PIGN: variants seen among roughly 807,000 people sequenced by gnomAD.
PIGN encodes phosphatidylinositol glycan anchor biosynthesis class N.
A neutral mutation model predicts 125.4 loss-of-function variants in PIGN; 117 were observed. The observed-to-expected ratio is 0.93, with a 90% confidence interval of 0.80 to 1.09. The LOEUF (loss-of-function observed/expected upper bound fraction) is 1.09. PIGN is among the 50% of genes least tolerant of loss of function. PIGN has a pLI of 0.00. For missense variants in PIGN, 1,075 were observed against 1,094.9 expected, an observed-to-expected ratio of 0.98 and a Z score of 0.26; for synonymous variants, 392 against 377.8, an observed-to-expected ratio of 1.04 and a Z score of -0.44.
chr18:62,059,110 T>G (rs538851909), intron 30 of PIGN: 1 of 147,342 alleles, frequency 6.8e-6, no homozygotes, highest in African/African-American at 2.5e-5. Context: ...GGAAGATCAC[T>G]TCAGCCTACA....
Position 62,085,225 on chromosome 18 carries a change from T to C in PIGN, c.2410A>G (p.Ile804Val). The C allele has an allele frequency of 6.5e-7, 1 of 1,538,968 alleles. No homozygotes were observed. The highest frequency in any genetic ancestry group is 8.8e-7 in the Non-Finnish European group (1 of 1,136,496). ...TAAAATTACCTGTTAATAGAAGCTA[T>C]ATTTCCAGTTCCAAAAAATGCTGTC... ...LVTAFFGTGN[I>V]ASINSFDLAS... The change falls in exon 26 of 31, where the codon ATA (isoleucine) becomes GTA (valine). Residue 804 changes from isoleucine (I) to valine (V), a missense_variant. This residue lies in a region of PIGN where 915 missense variants were observed against 908.7 expected (regional missense o/e 1.01). Coordinates refer to ENST00000640252, the MANE Select transcript of PIGN (RefSeq NM_176787.5).
At position 62,140,487 on chromosome 18, in the gene PIGN, TA is replaced by T; in HGVS notation, c.964-9del. 4.0e-6 allele frequency: 6 copies of T among 1,502,292 alleles called. No individual in the cohort carries two copies. The highest frequency in any genetic ancestry group is 4.6e-6 in the Non-Finnish European group (5 of 1,093,842). 93.1% of individuals were successfully genotyped at this position (1,502,292 alleles called of 1,614,324 possible). A position where few individuals can be genotyped will look rare whatever the true frequency, so the allele number is the denominator to read the frequency against. On this transcript the variant is annotated splice_polypyrimidine_tract_variant and intron_variant, in intron 11 of 30. Coordinates refer to ENST00000640252, the MANE Select transcript of PIGN (RefSeq NM_176787.5). ...CAATGGTGCAATATCAGCCTACAAA[TA>T]AAAAAGCTCAATTCTAAGAAGTCTA...
chr18:62,065,465 G>A (rs558520801), intron 30 of PIGN, among the ~76,000 whole-genome samples: 8 of 152,316 alleles, frequency 5.3e-5, no homozygotes, highest in African/African-American at 1.9e-4. Flanking sequence ...TTGGCGGGGC[G>A]TGGTGGCTCA....
chr18:62,043,848 G>T lies in PIGN; in HGVS notation c.*2008C>A, dbSNP rs145326201. 6.6e-6 allele frequency: 1 copy of T among 152,196 alleles called. No individual in the cohort carries two copies. Among genetic ancestry groups the T allele is most frequent in the African/African-American group, 2.4e-5 (1 of 41,512 alleles). 9.4% of individuals were successfully genotyped at this position (152,196 alleles called of 1,614,324 possible). Reference sequence around the variant, plus strand: ...ATTTAAACATTGTTAATCAGCAAATGTCCTAAGTCTTGATTCAGAAATCTA... The same window carrying T: ...ATTTAAACATTGTTAATCAGCAAATTTCCTAAGTCTTGATTCAGAAATCTA... On this transcript the variant is annotated 3_prime_UTR_variant, in exon 31 of 31. Coordinates refer to ENST00000640252, the MANE Select transcript of PIGN (RefSeq NM_176787.5).
At chr18:62,087,832 G>C (rs2033777267) in intron 25 of PIGN, among the ~76,000 whole-genome samples, 1 of 152,198 alleles carries the variant, frequency 6.6e-6, no homozygotes, top group East Asian at 1.9e-4. Flanking sequence ...AAAAAAGAGA[G>C]TAGAATGATG....
chr18:62,145,299 T>C (rs1191114609), intron 10 of PIGN, among the ~76,000 whole-genome samples: 2 of 152,182 alleles, frequency 1.3e-5, no homozygotes, highest in African/African-American at 4.8e-5. Context: ...GTCTCCCCTG[T>C]GGACCTATGA....
chr18:62,053,360 A>G (rs909238103), intron 30 of PIGN, among the ~76,000 whole-genome samples: 2 of 152,234 alleles, frequency 1.3e-5, no homozygotes, highest in African/African-American at 2.4e-5. Flanking sequence ...AAAATGTTCA[A>G]GTAATACACT....
At chr18:62,103,187 T>A (rs1043089068) in intron 20 of PIGN, among the ~76,000 whole-genome samples, 2 of 152,146 alleles carry the variant, frequency 1.3e-5, no homozygotes, top group East Asian at 1.9e-4. Context: ...TAATTTAATT[T>A]AAAAAAATTT....
In PIGN at chr18:62,072,727, TG is replaced by T; in HGVS notation, c.2620-3del. 6.5e-7 allele frequency: 1 copy of T among 1,534,712 alleles called. No homozygotes were observed. Among genetic ancestry groups the T allele is most frequent in the Non-Finnish European group, 8.7e-7 (1 of 1,147,668 alleles). On this transcript the variant is annotated splice_polypyrimidine_tract_variant and splice_region_variant and intron_variant, in intron 29 of 30. Coordinates refer to ENST00000640252, the MANE Select transcript of PIGN (RefSeq NM_176787.5). ...ATCCTTGACCAAGAAGAAAAAATGC[TG>T]TAAAAAAAAAAAAAGGCTTAATGAA...
chr18:62,133,038 C>A (rs1297590555), intron 14 of PIGN, among the ~76,000 whole-genome samples: 2 of 152,178 alleles, frequency 1.3e-5, no homozygotes, highest in Non-Finnish European at 2.9e-5. Flanking sequence ...TGAGTACCCA[C>A]ACAATCATTT....
chr18:62,059,249 A>G (rs554538222), intron 30 of PIGN: 1 of 151,030 alleles, frequency 6.6e-6, no homozygotes, highest in African/African-American at 2.4e-5. Flanking sequence ...TTGTAGTCAG[A>G]GATGAGATGA....
At position 62,085,122 on chromosome 18, in the gene PIGN, A is replaced by T. The variant is rs75049307; in HGVS notation, c.2426+87T>A. ...GACTTGGTCTCAAAAAGAAAAAAAA[A>T]TAATAAGGTACAGAACAAAAGGTAT... On this transcript the variant is annotated intron_variant, in intron 26 of 30. Transcript: ENST00000640252. The T allele has an allele frequency of 7.6e-3, 5,876 of 770,948 alleles. 243 individuals are homozygous for T. In the African/African-American group the frequency reaches 0.089, roughly 12 times the overall value. 47.8% of individuals were successfully genotyped at this position (770,948 alleles called of 1,614,324 possible).
rs1599663316 is a variant in PIGN at position 62,161,194 on chromosome 18, G to A, written c.160C>T (p.Leu54Phe). The change falls in exon 4 of 31, where the codon CTT becomes TTT. Residue 54 changes from leucine to phenylalanine, a missense_variant. Coordinates refer to ENST00000640252, the MANE Select transcript of PIGN (RefSeq NM_176787.5). ...RRLVLFVADG[L>F]RADALYELDE... ...AATTCGTAAAGTGCATCTGCTCGAA[G>A]GCCATCAGCAACAAACAACACTAAT... 1 of 1,613,902 alleles carries A rather than the reference G, an allele frequency of 6.2e-7. No individual in the cohort carries two copies. The highest frequency in any genetic ancestry group is 8.5e-7 in the Non-Finnish European group (1 of 1,179,830).
chr18:62,109,004 A>T (rs2034766185), intron 17 of PIGN, among the ~76,000 whole-genome samples: 2 of 152,228 alleles, frequency 1.3e-5, no homozygotes, highest in African/African-American at 4.8e-5. Context: ...ATGTTAAGCC[A>T]ACCTTGGGGA....
intron 26 of PIGN, among the ~76,000 whole-genome samples, 186 bp downstream of exon 26, chr18:62,085,023 G>A (rs545138157): frequency 3.5e-4 from 53 of 152,112 alleles, no homozygotes; most frequent in Middle Eastern, 3.4e-3. Flanking sequence ...CATGAGAATC[G>A]CTTGAACCTG....
intron 11 of PIGN, among the ~76,000 whole-genome samples, chr18:62,141,222 T>G (rs1055806686): frequency 2.6e-5 from 4 of 152,204 alleles, no homozygotes; most frequent in African/African-American, 9.7e-5. Flanking sequence ...TCAGGTAGGT[T>G]TTTTAACCCT....
chr18:62,089,760 A>G (rs556006756), intron 24 of PIGN, among the ~76,000 whole-genome samples: 5 of 152,294 alleles, frequency 3.3e-5, no homozygotes, highest in African/African-American at 9.6e-5. Context: ...GGAGCCATAT[A>G]ACGATGGATC....
At chr18:62,128,727 AT>A (rs961092364) in intron 14 of PIGN, among the ~76,000 whole-genome samples, 1 of 152,204 alleles carries the variant, frequency 6.6e-6, no homozygotes, top group African/African-American at 2.4e-5. Context: ...AATGTTTAAA[AT>A]ATTCATTAAA....
intron 14 of PIGN, among the ~76,000 whole-genome samples, chr18:62,128,727 A>G (rs2035624983): frequency 6.6e-6 from 1 of 152,204 alleles, no homozygotes; most frequent in Non-Finnish European, 1.5e-5. Flanking sequence ...AATGTTTAAA[A>G]TATTCATTAA....
Sources: allele counts gnomAD v4.1 joint callset (sites outside exome capture counted in the v4.1 genomes callset), GRCh38; gene constraint gnomAD v4.1.1; regional missense constraint gnomAD v4.1.1; transcripts MANE v1.5; gene names NCBI Gene and HGNC (gene_info 2026-07-23, HGNC 2026-07-21).